The following CLSTN2 variants were observed in gnomAD, a reference collection of about 807,000 sequenced individuals.
CLSTN2 encodes calsyntenin-2.
CLSTN2 carries 48 observed loss-of-function variants against 101.2 expected under a neutral mutation model. The observed-to-expected ratio is 0.47, with a 90% CI of 0.38 to 0.60. CLSTN2 has a LOEUF of 0.60. CLSTN2 is among the 20% of genes least tolerant of loss of function. The pLI is 0.00. For synonymous variants in CLSTN2, 481 were observed against 463.6 expected, an observed-to-expected ratio of 1.04 and a Z score of -0.48; for missense variants, 1,160 against 1,238.2, an observed-to-expected ratio of 0.94 and a Z score of 0.95.
In CLSTN2 at chr3:140,546,507, T is replaced by C. The variant is rs759217386; in HGVS notation, c.1508-8T>C. 1.2e-6 allele frequency: 2 copies of C among 1,613,154 alleles called. No homozygotes were observed. The highest frequency in any genetic ancestry group is 1.3e-5 in the African/African-American group (1 of 74,886). ...TCACAGGGCAAATGATGGTGTTTGT[T>C]TTTTCAGGAGGAGAAGTCACCAAAC... is the stretch of plus-strand genomic sequence containing the variant. On this transcript the variant is annotated splice_polypyrimidine_tract_variant and splice_region_variant and intron_variant, in intron 9 of 16. Coordinates refer to ENST00000458420, the MANE Select transcript of CLSTN2 (RefSeq NM_022131.3).
At chr3:140,339,871 C>T (rs894712726) in intron 2 of CLSTN2, among the ~76,000 whole-genome samples, 1 of 152,206 alleles carries the variant, frequency 6.6e-6, no homozygotes, top group African/African-American at 2.4e-5. Flanking sequence ...AGCAACAACA[C>T]TGCCTTATGC....
At chr3:140,223,515 C>T (rs2086293131) in intron 2 of CLSTN2, among the ~76,000 whole-genome samples, 1 of 152,094 alleles carries the variant, frequency 6.6e-6, no homozygotes, top group African/African-American at 2.4e-5. Flanking sequence ...CTTCCAGTTT[C>T]CGAAGAAGGA....
chr3:140,472,952 G>A (rs1211299437), intron 8 of CLSTN2, among the ~76,000 whole-genome samples: 1 of 152,138 alleles, frequency 6.6e-6, no homozygotes, highest in African/African-American at 2.4e-5. Context: ...ATTTCAAAGA[G>A]AGCCTCAAGA....
rs556860855 is a variant in CLSTN2, at chr3:140,095,480, A to G, written c.110-80471A>G. ...GACATTGTATATGAATGTTTAACCC[A>G]GGAAAGCTCAGTGCCATTAGTGGAG... On this transcript the variant is annotated intron_variant, in intron 1 of 16. Coordinates refer to ENST00000458420, the MANE Select transcript of CLSTN2 (RefSeq NM_022131.3). Among the ~76,000 whole-genome samples the G allele has an allele frequency of 2.6e-5, 4 of 152,340 alleles. No individual in the cohort carries two copies. In the East Asian group the frequency reaches 7.7e-4, roughly 29 times the overall value.
intron 1 of CLSTN2, among the ~76,000 whole-genome samples, chr3:139,981,398 ATTC>A (rs977572949): frequency 2.6e-5 from 4 of 152,228 alleles, no homozygotes; most frequent in Admixed American, 6.5e-5. Flanking sequence ...TAGTATAAGT[ATTC>A]TTGTGTTATT....
intron 1 of CLSTN2, among the ~76,000 whole-genome samples, chr3:139,988,892 A>G (rs1471797696): frequency 1.3e-5 from 2 of 152,182 alleles, no homozygotes; most frequent in Non-Finnish European, 2.9e-5. Context: ...ATGGATTTGC[A>G]TGATTACTTA....
intron 1 of CLSTN2, among the ~76,000 whole-genome samples, chr3:140,037,542 G>A (rs1393015637): frequency 2.7e-5 from 4 of 148,594 alleles, no homozygotes; most frequent in African/African-American, 1.0e-4. Context: ...TTATGCATTC[G>A]TCTTTTTTTT....
intron 5 of CLSTN2, among the ~76,000 whole-genome samples, chr3:140,436,107 G>A (rs1473093342): frequency 6.6e-6 from 1 of 151,838 alleles, no homozygotes; most frequent in African/African-American, 2.4e-5. Context: ...TTCACCTTGT[G>A]AACATGTTGC....
At chr3:139,937,556 G>A (rs1935046040) in intron 1 of CLSTN2, among the ~76,000 whole-genome samples, 1 of 148,002 alleles carries the variant, frequency 6.8e-6, no homozygotes, top group East Asian at 2.0e-4. Context: ...GACCAACATG[G>A]AGAAACCCCG....
chr3:140,190,517 A>G (rs946245731), intron 2 of CLSTN2, among the ~76,000 whole-genome samples: 8 of 150,622 alleles, frequency 5.3e-5, no homozygotes, highest in African/African-American at 1.9e-4. Flanking sequence ...ACTTTAGGAC[A>G]GTTGACATCT....
At chr3:140,113,936 G>A (rs1294563724) in intron 1 of CLSTN2, among the ~76,000 whole-genome samples, 1 of 152,130 alleles carries the variant, frequency 6.6e-6, no homozygotes, top group Non-Finnish European at 1.5e-5. Context: ...TCATAATTGC[G>A]GGAAAGCCAC....
chr3:140,557,930 T>C (rs973788770), intron 11 of CLSTN2, among the ~76,000 whole-genome samples: 7 of 152,230 alleles, frequency 4.6e-5, no homozygotes, highest in Non-Finnish European at 7.3e-5. Flanking sequence ...TCTATATATG[T>C]CTGCATTTAA....
intron 2 of CLSTN2, among the ~76,000 whole-genome samples, chr3:140,252,516 G>A (rs1459205955): frequency 6.6e-6 from 1 of 152,142 alleles, no homozygotes; most frequent in African/African-American, 2.4e-5. Flanking sequence ...GCGTATAGAT[G>A]AAAAACACAG....
intron 2 of CLSTN2, among the ~76,000 whole-genome samples, chr3:140,229,875 G>T (rs1452859800): frequency 1.3e-5 from 2 of 152,094 alleles, no homozygotes; most frequent in East Asian, 3.9e-4. Context: ...CTTTCAGTCG[G>T]CTAGCTTTTC....
In CLSTN2 at chr3:140,013,895, T is replaced by C. The variant is rs568969783; in HGVS notation, c.109+78412T>C. On this transcript the variant is annotated intron_variant, in intron 1 of 16. Coordinates refer to ENST00000458420, the MANE Select transcript of CLSTN2 (RefSeq NM_022131.3). ...TTAACTGAAGGTCAGAGCTCAGCCC[T>C]GTGTCACATCTTCCTCCCCAGGTAT... Among the ~76,000 whole-genome samples the C allele has an allele frequency of 4.2e-4, 48 of 115,484 alleles. No individual in the cohort carries two copies. The East Asian group carries it at 9.8e-3, about 24-fold the overall frequency. 75.8% of individuals were successfully genotyped at this position (115,484 alleles called of 152,430 possible). A position where few individuals can be genotyped will look rare whatever the true frequency, so the allele number is the denominator to read the frequency against.
chr3:139,964,082 G>GA (rs1197239313), intron 1 of CLSTN2, among the ~76,000 whole-genome samples: 2 of 151,942 alleles, frequency 1.3e-5, no homozygotes, highest in Non-Finnish European at 2.9e-5. Context: ...TTTCCTCTAG[G>GA]AAAAAAATCC....
intron 1 of CLSTN2, among the ~76,000 whole-genome samples, chr3:140,089,584 A>T (rs777853475): frequency 2.4e-4 from 16 of 67,908 alleles, no homozygotes; most frequent in Non-Finnish European, 4.3e-4. Context: ...AGCTGGTTTT[A>T]TTTATTTATT....
intron 1 of CLSTN2, among the ~76,000 whole-genome samples, chr3:140,094,810 A>T (rs554692759): frequency 1.3e-5 from 2 of 152,300 alleles, no homozygotes; most frequent in African/African-American, 2.4e-5. Context: ...GGAAATTGGC[A>T]ATTTTCTGAA....
chr3:140,026,346 T>C (rs1245394513), intron 1 of CLSTN2, among the ~76,000 whole-genome samples: 1 of 152,120 alleles, frequency 6.6e-6, no homozygotes, highest in African/African-American at 2.4e-5. Context: ...GTAAAATAAA[T>C]AGTATATGGA....
Sources: allele counts gnomAD v4.1 joint callset (sites outside exome capture counted in the v4.1 genomes callset), GRCh38; gene constraint gnomAD v4.1.1; transcripts MANE v1.5; gene names NCBI Gene and HGNC (gene_info 2026-07-23, HGNC 2026-07-21).